The following NLN variants were observed in gnomAD, a reference collection of about 807,000 sequenced individuals.
The protein encoded by NLN is neurolysin, mitochondrial.
In NLN, 64 loss-of-function variants were observed where a neutral mutation model predicts 79.9. That is an observed-to-expected ratio of 0.80 (90% CI 0.65 to 0.99). The LOEUF (loss-of-function observed/expected upper bound fraction) is 0.99, where lower values mean the gene tolerates loss of function less well. Ranked by LOEUF, NLN falls within the 50% of genes least tolerant of loss-of-function variation. The probability of loss-of-function intolerance (pLI) is 0.00; values close to 1 mark genes in which losing one functional copy is unlikely to be tolerated. For synonymous variants in NLN, 267 were observed against 296.6 expected (o/e 0.90, Z 1.02); for missense variants, 835 against 858.7 (o/e 0.97, Z 0.34).
chr5:65,807,211 G>A (rs1383578588), intron 9 of NLN, among the ~76,000 whole-genome samples: 1 of 151,096 alleles, frequency 6.6e-6, no homozygotes, highest in African/African-American at 2.4e-5. Flanking sequence ...AAGAAAAAAA[G>A]GAAGAAGGAA....
At position 65,777,549 on chromosome 5, in the gene NLN, T is replaced by C. The variant is rs2150755305; in HGVS notation, c.558+15T>C. 1 of 1,442,640 alleles carries C rather than the reference T, an allele frequency of 6.9e-7. No homozygotes were observed. Among genetic ancestry groups the C allele is most frequent in the Non-Finnish European group, 9.6e-7 (1 of 1,042,170 alleles). 89.4% of individuals were successfully genotyped at this position (1,442,640 alleles called of 1,614,324 possible). A position where few individuals can be genotyped will look rare whatever the true frequency, so the allele number is the denominator to read the frequency against. ...AAGTACAGAATGTGAGTTTATGTTT[T>C]CTTTTCTTATCAGAAAAAAAAAATG... On this transcript the variant is annotated intron_variant, in intron 4 of 12. Coordinates refer to ENST00000380985, the MANE Select transcript of NLN (RefSeq NM_020726.5).
At position 65,787,295 on chromosome 5, in the gene NLN, C is replaced by T. The variant is rs182339501; in HGVS notation, c.959-823C>T. On this transcript the variant is annotated intron_variant, in intron 7 of 12. Coordinates refer to ENST00000380985, the MANE Select transcript of NLN (RefSeq NM_020726.5). ...GTGTGTATACATACATGCGCACACA[C>T]AGACACATGCACGCACACATGCACA... Among the ~76,000 whole-genome samples, 114 of 151,840 alleles carry T rather than the reference C, an allele frequency of 7.5e-4. 1 individual carries two copies. The highest frequency in any genetic ancestry group is 2.7e-3 in the African/African-American group (113 of 41,298).
rs772455412 is a variant in NLN at position 65,828,764 on chromosome 5, CT to C, written c.*5853del. 5 of 152,152 alleles carry C rather than the reference CT, an allele frequency of 3.3e-5. No individual in the cohort carries two copies. Among genetic ancestry groups the C allele is most frequent in the Non-Finnish European group, 7.3e-5 (5 of 68,030 alleles). 9.4% of individuals were successfully genotyped at this position (152,152 alleles called of 1,614,324 possible). A position where few individuals can be genotyped will look rare whatever the true frequency, so the allele number is the denominator to read the frequency against. On this transcript the variant is annotated 3_prime_UTR_variant, in exon 13 of 13. Transcript: ENST00000380985. ...AAACCGGCTTTTAGGGCTTCTCCAG[CT>C]TTTAAGATGCGATAATGATAAGATG... is the stretch of plus-strand genomic sequence containing the variant.
At chr5:65,754,161 C>T (rs751278878) in intron 1 of NLN, among the ~76,000 whole-genome samples, 5 of 152,172 alleles carry the variant, frequency 3.3e-5, no homozygotes, top group African/African-American at 7.2e-5. Context: ...CTTACTGACT[C>T]ATAACTGGAA....
In NLN at chr5:65,751,840, T is replaced by C. The variant is rs962919054; in HGVS notation, c.42-6727T>C. Among the ~76,000 whole-genome samples the C allele has an allele frequency of 7.2e-5, 11 of 152,238 alleles. 1 individual carries two copies. In the South Asian group the frequency reaches 8.3e-4, roughly 11 times the overall value. On this transcript the variant is annotated intron_variant, in intron 1 of 12. Coordinates refer to ENST00000380985, the MANE Select transcript of NLN (RefSeq NM_020726.5). ...TTCTTCCTTTGCCTAAACACTATTA[T>C]TATGATGATGATGATATTATTTTGG... is the stretch of plus-strand genomic sequence containing the variant.
At chr5:65,791,535 G>A (rs946419516) in intron 8 of NLN, among the ~76,000 whole-genome samples, 15 of 152,022 alleles carry the variant, frequency 9.9e-5, no homozygotes, top group African/African-American at 3.6e-4. Context: ...CCCAGCCTGG[G>A]CAACAGAGCA....
chr5:65,724,764 T>G (rs1758419873), intron 1 of NLN, among the ~76,000 whole-genome samples: 1 of 151,982 alleles, frequency 6.6e-6, no homozygotes, highest in Non-Finnish European at 1.5e-5. Flanking sequence ...CTGGTTTTGA[T>G]AACAGTTATC....
chr5:65,758,572 G>T lies in NLN; in HGVS notation c.47G>T (p.Gly16Val), dbSNP rs2150745973. ...LLAVRSLRRV[G>V]GSRILLRMTL... ...CTTTTTCTGATTCTTTTTAGAGTTG[G>T]TGGTTCCAGGATTTTACTCAGAATG... The change falls in exon 2 of 13, where the codon GGT becomes GTT. Residue 16 changes from glycine to valine, a missense_variant. Physicochemically the swap from Gly to Val is moderately radical, Grantham distance 109. Transcript: ENST00000380985. The T allele has an allele frequency of 6.2e-7, 1 of 1,602,910 alleles. No individual in the cohort carries two copies. Among genetic ancestry groups the T allele is most frequent in the Non-Finnish European group, 8.5e-7 (1 of 1,170,688 alleles).
At chr5:65,753,869 C>T (rs1219506486) in intron 1 of NLN, among the ~76,000 whole-genome samples, 1 of 152,130 alleles carries the variant, frequency 6.6e-6, no homozygotes, top group Non-Finnish European at 1.5e-5. Flanking sequence ...CCCGTCATGG[C>T]CATGACTGAC....
At chr5:65,752,906 G>A (rs983892303) in intron 1 of NLN, among the ~76,000 whole-genome samples, 1 of 152,182 alleles carries the variant, frequency 6.6e-6, no homozygotes, top group African/African-American at 2.4e-5. Flanking sequence ...AAATTTTAAT[G>A]TATTTAGTTG....
At position 65,792,516 on chromosome 5, in the gene NLN, G is replaced by A; in HGVS notation, c.1388G>A (p.Gly463Glu). 1 of 1,614,136 alleles carries A rather than the reference G, an allele frequency of 6.2e-7. No homozygotes were observed. The highest frequency in any genetic ancestry group is 1.1e-5 in the South Asian group (1 of 91,080). Residue 463 changes from glycine to glutamate, a missense_variant, in exon 9 of 13, where the codon GGA becomes GAA. Physicochemically the swap from Gly to Glu is moderately conservative, Grantham distance 98. Coordinates refer to ENST00000380985, the MANE Select transcript of NLN (RefSeq NM_020726.5). Reference sequence around the variant, plus strand: ...CAGCCTGGCTGCCTTCTGCCTGATGGAAGCCGGATGATGGCAGTGGCTGCC... The same window carrying A: ...CAGCCTGGCTGCCTTCTGCCTGATGAAAGCCGGATGATGGCAGTGGCTGCC... ...GLQPGCLLPD[G>E]SRMMAVAALV...
intron 2 of NLN, among the ~76,000 whole-genome samples, chr5:65,759,299 A>G (rs952498319): frequency 2.0e-5 from 3 of 152,172 alleles, no homozygotes; most frequent in African/African-American, 2.4e-5. Flanking sequence ...ATTTAATGAC[A>G]TGGGGAAAAG....
intron 9 of NLN, among the ~76,000 whole-genome samples, chr5:65,794,107 G>T (rs1168565684): frequency 2.6e-5 from 4 of 152,174 alleles, no homozygotes; most frequent in African/African-American, 9.7e-5. Flanking sequence ...TGCACTGTAT[G>T]GAAGTAACCC....
At chr5:65,767,790 G>A (rs1289062162) in intron 3 of NLN, among the ~76,000 whole-genome samples, 1 of 152,142 alleles carries the variant, frequency 6.6e-6, no homozygotes, top group African/African-American at 2.4e-5. Flanking sequence ...GGAGCACCCA[G>A]GCCACCTCTT....
At chr5:65,777,584 A>C in intron 4 of NLN, 50 bp downstream of exon 4, 1 of 1,211,152 alleles carries the variant, frequency 8.3e-7, no homozygotes, top group Non-Finnish European at 1.2e-6. Context: ...GAATAAATAA[A>C]ACAAAATACT....
chr5:65,769,783 A>AGCCACATC (rs1759530565), intron 3 of NLN, among the ~76,000 whole-genome samples: 1 of 152,216 alleles, frequency 6.6e-6, no homozygotes, highest in Admixed American at 6.5e-5. Context: ...ACTTTCCAAG[A>AGCCACATC]GCCACATCAC....
chr5:65,730,642 C>T (rs1360276170), intron 1 of NLN, among the ~76,000 whole-genome samples: 1 of 151,822 alleles, frequency 6.6e-6, no homozygotes, highest in African/African-American at 2.4e-5. Flanking sequence ...CTGCAACCTC[C>T]TCCTCCTGGG....
At chr5:65,736,938 A>G (rs1579910724) in intron 1 of NLN, among the ~76,000 whole-genome samples, 1 of 152,070 alleles carries the variant, frequency 6.6e-6, no homozygotes, top group East Asian at 1.9e-4. Context: ...CTGTATCTAC[A>G]AAACATTAAA....
chr5:65,725,545 A>G (rs1414980072), intron 1 of NLN, among the ~76,000 whole-genome samples: 1 of 152,244 alleles, frequency 6.6e-6, no homozygotes, highest in Non-Finnish European at 1.5e-5. Context: ...ATTTCATTAT[A>G]CAGTATCAAA....
Sources: allele counts gnomAD v4.1 joint callset (sites outside exome capture counted in the v4.1 genomes callset), GRCh38; gene constraint gnomAD v4.1.1; transcripts MANE v1.5; gene names NCBI Gene and HGNC (gene_info 2026-07-23, HGNC 2026-07-21).